The following XKR9 variants were observed in gnomAD, a reference collection of about 807,000 sequenced individuals.
The protein encoded by XKR9 is XK related 9, also known as XK-related protein 9.
In XKR9, 32 loss-of-function variants were observed where a neutral mutation model predicts 32.0. The ratio of observed to expected loss-of-function variants is 1.00; its 90% confidence interval spans 0.76 to 1.34. XKR9 has a LOEUF of 1.34. Ranked by LOEUF, XKR9 falls within the 40% of genes most tolerant of loss-of-function variation. The pLI is 0.00. For synonymous variants in XKR9, 168 were observed against 143.4 expected, an observed-to-expected ratio of 1.17 and a Z score of -1.22; for missense variants, 546 against 429.7, an observed-to-expected ratio of 1.27 and a Z score of -2.39.
At chr8:70,689,349 T>C (rs932102533) in intron 3 of XKR9, among the ~76,000 whole-genome samples, 1 of 151,718 alleles carries the variant, frequency 6.6e-6, no homozygotes, top group African/African-American at 2.4e-5. Flanking sequence ...CTATATACTC[T>C]CTTGGTAAAG....
the XKR9 span, among the ~76,000 whole-genome samples, chr8:70,852,150 G>A: frequency 1.3e-5 from 2 of 152,210 alleles, no homozygotes; most frequent in African/African-American, 4.8e-5. Context: ...TTTCAAAGAA[G>A]ACATTTATGT....
At chr8:71,002,735 A>G in the XKR9 span, among the ~76,000 whole-genome samples, 1 of 152,258 alleles carries the variant, frequency 6.6e-6, no homozygotes, top group Non-Finnish European at 1.5e-5. Flanking sequence ...TAAGCTGTAA[A>G]AAAACTCAGA....
At chr8:70,707,653 T>A (rs1805767493) in intron 4 of XKR9, among the ~76,000 whole-genome samples, 1 of 152,032 alleles carries the variant, frequency 6.6e-6, no homozygotes, top group African/African-American at 2.4e-5. Flanking sequence ...CAACGAGTAA[T>A]CTTATGCATA....
intron 3 of XKR9, among the ~76,000 whole-genome samples, chr8:70,682,321 T>C (rs1328058214): frequency 6.6e-6 from 1 of 152,192 alleles, no homozygotes; most frequent in Non-Finnish European, 1.5e-5. Flanking sequence ...GTAGTTGTAA[T>C]ATTGAAGAAA....
chr8:71,036,661 A>G, the XKR9 span, among the ~76,000 whole-genome samples: 9 of 152,122 alleles, frequency 5.9e-5, no homozygotes, highest in Admixed American at 1.3e-4. Flanking sequence ...AAAATAATCA[A>G]TCACAATGGA....
At chr8:70,976,450 C>T in the XKR9 span, among the ~76,000 whole-genome samples, 1 of 152,146 alleles carries the variant, frequency 6.6e-6, no homozygotes, top group East Asian at 1.9e-4. Context: ...TTGTTGAAGG[C>T]CTTTTCTGCA....
At chr8:70,862,771 GA>G in the XKR9 span, among the ~76,000 whole-genome samples, 16 of 151,984 alleles carry the variant, frequency 1.1e-4, no homozygotes, top group Non-Finnish European at 2.1e-4. Flanking sequence ...ATCTGGTGGG[GA>G]GACAGGTATT....
At chr8:70,923,652 C>A in the XKR9 span, among the ~76,000 whole-genome samples, 4 of 152,214 alleles carry the variant, frequency 2.6e-5, no homozygotes, top group Admixed American at 2.0e-4. Context: ...TCCACACTGA[C>A]TTCTCCTCTG....
intron 2 of XKR9, among the ~76,000 whole-genome samples, chr8:70,789,083 T>C (rs1442432422): frequency 1.3e-5 from 2 of 152,076 alleles, no homozygotes; most frequent in African/African-American, 4.8e-5. Context: ...ACCAGTGATC[T>C]CATGACTAAC....
At chr8:70,710,002 A>G (rs974286013) in intron 4 of XKR9, among the ~76,000 whole-genome samples, 6 of 152,220 alleles carry the variant, frequency 3.9e-5, no homozygotes, top group Non-Finnish European at 2.9e-5. Flanking sequence ...AAGCAAGAAG[A>G]AAAAAGCTGG....
the XKR9 span, among the ~76,000 whole-genome samples, chr8:70,860,372 C>G: frequency 1.3e-5 from 2 of 152,068 alleles, no homozygotes; most frequent in African/African-American, 4.8e-5. Context: ...ACCCAGAACA[C>G]AGCCCTCAGC....
the XKR9 span, among the ~76,000 whole-genome samples, chr8:70,952,153 T>TACACACACAC: frequency 4.1e-5 from 6 of 148,104 alleles, no homozygotes; most frequent in Admixed American, 4.0e-4. Flanking sequence ...AGAAAACCTT[T>TACACACACAC]ACACACACAC....
chr8:70,740,251 T>C (rs1180900848), downstream of XKR9, among the ~76,000 whole-genome samples: 7 of 152,230 alleles, frequency 4.6e-5, no homozygotes, highest in Non-Finnish European at 7.3e-5. Flanking sequence ...TTCTTCCAGT[T>C]GATCGCATTG....
intron 4 of XKR9, among the ~76,000 whole-genome samples, chr8:70,724,913 T>G (rs6981435): frequency 0.4 from 61,323 of 152,066 alleles, 13,909 homozygotes; most frequent in Non-Finnish European, 0.52. Context: ...TTCTCATGCT[T>G]CTATAAAAAG....
intron 2 of XKR9, among the ~76,000 whole-genome samples, chr8:70,754,654 C>A (rs1807191823): frequency 6.6e-6 from 1 of 151,320 alleles, no homozygotes; most frequent in Non-Finnish European, 1.5e-5. Context: ...CAAAAACAAG[C>A]AATGGGGAAA....
downstream of XKR9, among the ~76,000 whole-genome samples, chr8:70,736,415 G>A (rs1406102805): frequency 2.0e-5 from 3 of 152,034 alleles, no homozygotes; most frequent in Admixed American, 2.0e-4. Flanking sequence ...CATTTTGTAG[G>A]TTGCCTGTTC....
chr8:70,892,649 G>A, the XKR9 span, among the ~76,000 whole-genome samples: 1 of 152,140 alleles, frequency 6.6e-6, no homozygotes, highest in African/African-American at 2.4e-5. Context: ...TCAGCAATTT[G>A]AATGTATCAT....
At chr8:70,974,962 T>G in the XKR9 span, among the ~76,000 whole-genome samples, 4 of 152,218 alleles carry the variant, frequency 2.6e-5, no homozygotes, top group Non-Finnish European at 5.9e-5. Context: ...CTCATTATAG[T>G]TTTGATTTGC....
chr8:70,913,567 G>C, the XKR9 span, among the ~76,000 whole-genome samples: 1 of 152,004 alleles, frequency 6.6e-6, no homozygotes, highest in Non-Finnish European at 1.5e-5. Context: ...TTATTAACTA[G>C]AAATATAAAA....
Sources: allele counts gnomAD v4.1 joint callset (sites outside exome capture counted in the v4.1 genomes callset), GRCh38; gene constraint gnomAD v4.1.1; transcripts MANE v1.5; gene names NCBI Gene and HGNC (gene_info 2026-07-23, HGNC 2026-07-21).